ATG16L1: variants seen among roughly 807,000 people sequenced by gnomAD.
ATG16L1 encodes the protein autophagy related 16 like 1, also known as autophagy-related protein 16-1.
A neutral mutation model predicts 88.5 loss-of-function variants in ATG16L1; 37 were observed. The observed-to-expected ratio is 0.42, with a 90% CI of 0.32 to 0.55. ATG16L1 has a LOEUF of 0.55. Ranked by LOEUF, ATG16L1 falls within the 20% of genes least tolerant of loss-of-function variation. ATG16L1 has a pLI of 0.13. For synonymous variants in ATG16L1, 301 were observed against 281.0 expected, an observed-to-expected ratio of 1.07 and a Z score of -0.71; for missense variants, 554 against 752.8, an observed-to-expected ratio of 0.74 and a Z score of 3.09.
rs1451315720 is a variant in ATG16L1 at position 233,294,537 on chromosome 2, C to CT, written c.*188dup. ...AGATTTGACTGAGGTCTCTCTTGGC[C>CT]TGGAAGAATAACACTGAAAAAACCT... On this transcript the variant is annotated 3_prime_UTR_variant, in exon 18 of 18. Transcript: ENST00000392017. The CT allele has an allele frequency of 2.1e-6, 1 of 485,054 alleles. No homozygotes were observed. Among genetic ancestry groups the CT allele is most frequent in the East Asian group, 3.4e-5 (1 of 29,158 alleles). The allele number at this position is 485,054 out of a possible 1,614,324, so 30.0% of individuals were successfully genotyped here.
chr2:233,255,835 A>G (rs1696739116), intron 1 of ATG16L1, among the ~76,000 whole-genome samples: 1 of 152,238 alleles, frequency 6.6e-6, no homozygotes, highest in Non-Finnish European at 1.5e-5. Flanking sequence ...TGTCTTACTT[A>G]AAGGTACATA....
In ATG16L1 at chr2:233,290,400, G is replaced by C. The variant is rs758377592; in HGVS notation, c.1430+47G>C. The C allele has an allele frequency of 4.2e-6, 6 of 1,432,654 alleles. No individual in the cohort carries two copies. The East Asian group carries it at 1.4e-4, about 33-fold the overall frequency. The allele number at this position is 1,432,654 out of a possible 1,614,324, so 88.7% of individuals were successfully genotyped here. A position where few individuals can be genotyped will look rare whatever the true frequency, so the allele number is the denominator to read the frequency against. ...CTGGAGGCACATAAGAGTCTCCACA[G>C]TAATGGTTCTGTACATGGGTTGTGC... On this transcript the variant is annotated intron_variant, in intron 14 of 17. Coordinates refer to ENST00000392017, the MANE Select transcript of ATG16L1 (RefSeq NM_030803.7).
intron 1 of ATG16L1, 57 bp downstream of exon 1, chr2:233,251,999 G>A: frequency 6.4e-6 from 9 of 1,415,422 alleles, no homozygotes; most frequent in Non-Finnish European, 8.4e-6. Context: ...GGAGGCATGC[G>A]GGGCGTCAGC....
intron 12 of ATG16L1, chr2:233,288,993 GT>G: frequency 4.3e-6 from 2 of 464,300 alleles, no homozygotes; most frequent in South Asian, 1.6e-5. Flanking sequence ...GAGTCCTGAT[GT>G]TTCCTTTTGT....
chr2:233,273,616 A>C (rs1678258782), intron 7 of ATG16L1, 105 bp from the exon 8 acceptor site: 2 of 1,101,858 alleles, frequency 1.8e-6, no homozygotes, highest in Non-Finnish European at 2.7e-6. Flanking sequence ...TTGGGAACTA[A>C]GTGGGAAACA....
chr2:233,282,818 C>G, intron 12 of ATG16L1, 65 bp downstream of exon 12: 2 of 1,429,404 alleles, frequency 1.4e-6, no homozygotes, highest in Non-Finnish European at 2.0e-6. Flanking sequence ...AAGGCACAAA[C>G]TGGCAGGTGC....
rs144316394 is a variant in ATG16L1 at position 233,289,408 on chromosome 2, T to TGTGTGTGAGAGAGA, written c.1204-445_1204-444insTGTGTGAGAGAGAG. ...GTGTGTGTGTGTGTGTGTGTGTGTGTGACAGGATCTTGCTATCACTCAGGT... is the reference window on the plus strand; with the variant it reads ...GTGTGTGTGTGTGTGTGTGTGTGTGTGTGTGTGAGAGAGAGACAGGATCTTGCTATCACTCAGGT... On this transcript the variant is annotated intron_variant, in intron 12 of 17. Coordinates refer to ENST00000392017, the MANE Select transcript of ATG16L1 (RefSeq NM_030803.7). 2.8e-3 allele frequency among the ~76,000 whole-genome samples: 420 copies of TGTGTGTGAGAGAGA among 149,640 alleles called. 3 individuals carry two copies. Among genetic ancestry groups the TGTGTGTGAGAGAGA allele is most frequent in the African/African-American group, 1.0e-2 (402 of 40,236 alleles).
intron 17 of ATG16L1, 97 bp downstream of exon 17, chr2:233,293,454 G>A: frequency 8.7e-7 from 1 of 1,147,680 alleles, no homozygotes; most frequent in Non-Finnish European, 1.3e-6. Context: ...TCGGCGCTGT[G>A]AGGGCACTGT....
intron 9 of ATG16L1, among the ~76,000 whole-genome samples, chr2:233,276,716 A>T (rs1698401534): frequency 6.6e-6 from 1 of 152,168 alleles, no homozygotes; most frequent in South Asian, 2.1e-4. Context: ...AGCTCATGCG[A>T]TCTGCCCACC....
At chr2:233,255,348 A>G (rs1696703294) in intron 1 of ATG16L1, among the ~76,000 whole-genome samples, 1 of 152,144 alleles carries the variant, frequency 6.6e-6, no homozygotes, top group African/African-American at 2.4e-5. Flanking sequence ...CAAATTTATT[A>G]TGTTTGGAAA....
Position 233,293,352 on chromosome 2 carries a change from G to A in ATG16L1, c.1725G>A (p.Gln575=), listed in dbSNP as rs760769723. Residue 575 remains glutamine, a synonymous_variant, in exon 17 of 18, where the codon CAG becomes CAA. Coordinates refer to ENST00000392017, the MANE Select transcript of ATG16L1 (RefSeq NM_030803.7). ...AAGTGGAAAAGGTTCTTTCAAAGCA[G>A]CACAGGTAAGATGAACCCTGTCTCA... ...TGKVEKVLSK[Q]HSSSINAVAW... 8 of 1,613,556 alleles carry A rather than the reference G, an allele frequency of 5.0e-6. No individual in the cohort carries two copies. In the East Asian group the frequency reaches 1.8e-4, roughly 36 times the overall value.
At chr2:233,253,277 C>T (rs984946795) in intron 1 of ATG16L1, among the ~76,000 whole-genome samples, 1 of 150,406 alleles carries the variant, frequency 6.6e-6, no homozygotes, top group Admixed American at 6.6e-5. Flanking sequence ...GGAACTGAGG[C>T]CAAGAGAGAT....
At chr2:233,266,820 T>A (rs1697629324) in intron 5 of ATG16L1, among the ~76,000 whole-genome samples, 1 of 152,228 alleles carries the variant, frequency 6.6e-6, no homozygotes, top group Admixed American at 6.5e-5. Context: ...TAAATCATGT[T>A]ATTTACAACC....
intron 1 of ATG16L1, among the ~76,000 whole-genome samples, chr2:233,252,786 C>A: frequency 6.6e-6 from 1 of 152,174 alleles, no homozygotes; most frequent in East Asian, 1.9e-4. Flanking sequence ...TTTCCCCTTA[C>A]TGCTTGCAGC....
At chr2:233,273,403 G>A in intron 7 of ATG16L1, 1 of 501,164 alleles carries the variant, frequency 2.0e-6, no homozygotes, top group Non-Finnish European at 3.5e-6. Flanking sequence ...TTCAAGAGTG[G>A]GGATTGGTTA....
At chr2:233,257,701 C>T (rs183716755) in intron 2 of ATG16L1, among the ~76,000 whole-genome samples, 2 of 152,136 alleles carry the variant, frequency 1.3e-5, no homozygotes, top group East Asian at 3.9e-4. Flanking sequence ...TCTTTAAGAA[C>T]TAGATTAGAA....
At position 233,274,646 on chromosome 2, in the gene ATG16L1, T is replaced by C. The variant is rs181428468; in HGVS notation, c.852-30T>C. On this transcript the variant is annotated intron_variant, in intron 8 of 17. Coordinates refer to ENST00000392017, the MANE Select transcript of ATG16L1 (RefSeq NM_030803.7). ...TGAGCAGTAAACCTCTGCAATCCTG[T>C]CTAATATTTGTCTTTATGTTATTTC... is the stretch of plus-strand genomic sequence containing the variant. The C allele has an allele frequency of 2.1e-3, 3,200 of 1,548,584 alleles. 2 individuals carry two copies. Among genetic ancestry groups the C allele is most frequent in the Non-Finnish European group, 2.7e-3 (3,003 of 1,122,404 alleles).
chr2:233,265,591 T>C (rs1294347327), intron 5 of ATG16L1, among the ~76,000 whole-genome samples: 3 of 152,144 alleles, frequency 2.0e-5, no homozygotes, highest in African/African-American at 7.2e-5. Context: ...TGCCTCAGCC[T>C]CCTAAGTAGC....
chr2:233,289,383 G>GTA (rs1456369144), intron 12 of ATG16L1, among the ~76,000 whole-genome samples: 2 of 143,776 alleles, frequency 1.4e-5, no homozygotes, highest in African/African-American at 5.5e-5. Flanking sequence ...TGGGATGTGT[G>GTA]TGTGTGTGTG....
Sources: gnomAD v4.1 joint callset for allele counts (sites outside exome capture counted in the v4.1 genomes callset) on GRCh38, gnomAD v4.1.1 for gene constraint, MANE v1.5 for transcripts, NCBI Gene and HGNC (gene_info 2026-07-23, HGNC 2026-07-21) for gene names.